DIAPH2: variants seen among roughly 807,000 people sequenced by gnomAD.
The protein encoded by DIAPH2 is diaphanous related formin 2, also known as protein diaphanous homolog 2.
In DIAPH2, 35 loss-of-function variants were observed where a neutral mutation model predicts 92.7. The observed-to-expected ratio is 0.38, with a 90% CI of 0.29 to 0.50. The LOEUF is 0.50. DIAPH2 is among the 20% of genes least tolerant of loss of function. The pLI, the probability that DIAPH2 is intolerant of heterozygous loss-of-function variation, is 0.94. For missense variants in DIAPH2, 701 were observed against 819.5 expected, an observed-to-expected ratio of 0.86 and a Z score of 1.77; for synonymous variants, 301 against 280.4, an observed-to-expected ratio of 1.07 and a Z score of -0.73.
chrX:97,301,808 G>C (rs2068708044), intron 23 of DIAPH2, among the ~76,000 whole-genome samples: 1 of 111,639 alleles, frequency 9.0e-6, no homozygotes, highest in Non-Finnish European at 1.9e-5. Flanking sequence ...TCAGGCGTTT[G>C]AGTAGCATAG....
intron 25 of DIAPH2, among the ~76,000 whole-genome samples, chrX:97,424,879 C>T (rs1271598551): frequency 8.9e-6 from 1 of 111,915 alleles, no homozygotes; most frequent in African/African-American, 3.3e-5. Context: ...CCCACCTTGG[C>T]CTGCCAAAGT....
chrX:97,031,074 T>C (rs2066370569), intron 17 of DIAPH2, among the ~76,000 whole-genome samples: 1 of 111,525 alleles, frequency 9.0e-6, no homozygotes, highest in African/African-American at 3.3e-5. Flanking sequence ...CTTTTACCCT[T>C]TTTATACTTG....
At chrX:97,141,845 A>G in intron 22 of DIAPH2, 51 bp downstream of exon 22, 1 of 1,103,164 alleles carries the variant, frequency 9.1e-7, no homozygotes, top group Non-Finnish European at 1.2e-6. Context: ...TATGGTTTAA[A>G]TGGAACAATT....
intron 26 of DIAPH2, among the ~76,000 whole-genome samples, chrX:97,465,499 G>C: frequency 9.0e-6 from 1 of 111,597 alleles, no homozygotes; most frequent in Non-Finnish European, 1.9e-5. Context: ...GGTATTTTAA[G>C]TTGTCAAGAG....
chrX:96,948,143 A>G, intron 14 of DIAPH2, among the ~76,000 whole-genome samples: 1 of 112,863 alleles, frequency 8.9e-6, no homozygotes, highest in Middle Eastern at 4.6e-3. Context: ...AATAGAAACA[A>G]TTCCAATTTG....
At chrX:97,234,396 C>T (rs181755646) in intron 22 of DIAPH2, among the ~76,000 whole-genome samples, 1,838 of 108,930 alleles carry the variant, frequency 0.017, 46 homozygotes, top group African/African-American at 0.058. Flanking sequence ...AGGCAATCCA[C>T]TTTTGTTTTC....
chrX:96,813,931 A>G lies in DIAPH2; in HGVS notation c.447+55673A>G, dbSNP rs941995949. On this transcript the variant is annotated intron_variant, in intron 4 of 26. Transcript: ENST00000324765. ...TGGGCTTCCCTTTGTGGGTAACCCA[A>G]CCTTTCTCTCTGGCTGCCCTTAGCC... is the stretch of plus-strand genomic sequence containing the variant. Among the ~76,000 whole-genome samples the G allele has an allele frequency of 9.0e-5, 10 of 111,633 alleles. No individual in the cohort carries two copies. The South Asian group carries it at 2.3e-3, about 25-fold the overall frequency.
intron 17 of DIAPH2, among the ~76,000 whole-genome samples, chrX:96,997,364 T>G (rs2066111670): frequency 1.8e-5 from 2 of 111,476 alleles, no homozygotes; most frequent in Admixed American, 1.9e-4. Context: ...ATGGTGAAAT[T>G]AGCCCTCAGA....
At chrX:96,720,559 A>G (rs1035909700) in intron 1 of DIAPH2, among the ~76,000 whole-genome samples, 1 of 111,616 alleles carries the variant, frequency 9.0e-6, no homozygotes, top group African/African-American at 3.3e-5. Context: ...TTTGGGGATT[A>G]TTTTATTAGC....
At chrX:97,330,603 C>T (rs1295055124) in intron 23 of DIAPH2, among the ~76,000 whole-genome samples, 1 of 108,966 alleles carries the variant, frequency 9.2e-6, no homozygotes, top group Admixed American at 9.9e-5. Flanking sequence ...ACATCTGCCT[C>T]CCAGGTTCAA....
At chrX:96,875,546 C>T (rs1206083437) in intron 4 of DIAPH2, among the ~76,000 whole-genome samples, 1 of 111,230 alleles carries the variant, frequency 9.0e-6, no homozygotes, top group Non-Finnish European at 1.9e-5. Context: ...GCTTTTATCA[C>T]CCCTGCCCTA....
At chrX:96,909,908 G>A (rs1569425334) in intron 5 of DIAPH2, among the ~76,000 whole-genome samples, 1 of 110,776 alleles carries the variant, frequency 9.0e-6, no homozygotes, top group Non-Finnish European at 1.9e-5. Context: ...CACCAAGAAA[G>A]AAATAACCCT....
intron 23 of DIAPH2, among the ~76,000 whole-genome samples, chrX:97,248,421 A>C: frequency 8.9e-6 from 1 of 111,750 alleles, no homozygotes; most frequent in Non-Finnish European, 1.9e-5. Context: ...ATTTTTTGAA[A>C]CTTCTAGTTT....
intron 23 of DIAPH2, among the ~76,000 whole-genome samples, chrX:97,336,321 T>A (rs1272399510): frequency 5.7e-5 from 6 of 104,894 alleles, no homozygotes; most frequent in African/African-American, 2.1e-4. Flanking sequence ...CTTGGCTCAC[T>A]GTAAGCTCCG....
rs1227349638 is a variant in DIAPH2, at chrX:96,695,615, A to T, written c.132+10425A>T. Among the ~76,000 whole-genome samples, 3 of 111,908 alleles carry T rather than the reference A, an allele frequency of 2.7e-5. No individual in the cohort carries two copies. The East Asian group carries it at 8.4e-4, about 32-fold the overall frequency. ...TGTAGGGCTCTGGGCCCAATTTTTC[A>T]CATTCTTCCTATGGGTTCTGTTATA... On this transcript the variant is annotated intron_variant, in intron 1 of 26. Coordinates refer to ENST00000324765, the MANE Select transcript of DIAPH2 (RefSeq NM_006729.5).
intron 26 of DIAPH2, among the ~76,000 whole-genome samples, chrX:97,598,297 A>T (rs1395243638): frequency 8.9e-6 from 1 of 112,154 alleles, no homozygotes; most frequent in African/African-American, 3.2e-5. Flanking sequence ...TCACTAAAGC[A>T]GAGATAATAG....
At chrX:97,323,415 C>T (rs1193432100) in intron 23 of DIAPH2, among the ~76,000 whole-genome samples, 7 of 99,588 alleles carry the variant, frequency 7.0e-5, no homozygotes, top group African/African-American at 2.5e-4. Flanking sequence ...CACGGTGAAA[C>T]CCTGTCTCTA....
intron 19 of DIAPH2, chrX:97,081,546 A>T (rs1048736307): frequency 1.8e-5 from 2 of 111,384 alleles, no homozygotes; most frequent in African/African-American, 6.5e-5. Flanking sequence ...ATGGCCGGGC[A>T]TGGTGGCTCA....
chrX:97,046,522 GA>G (rs2066485582), intron 17 of DIAPH2, among the ~76,000 whole-genome samples: 1 of 111,658 alleles, frequency 9.0e-6, no homozygotes, highest in South Asian at 3.7e-4. Flanking sequence ...TGAATCATTT[GA>G]AAAAATGTGA....
Sources: allele counts gnomAD v4.1 joint callset (sites outside exome capture counted in the v4.1 genomes callset), GRCh38; gene constraint gnomAD v4.1.1; transcripts MANE v1.5; gene names NCBI Gene and HGNC (gene_info 2026-07-23, HGNC 2026-07-21).